The following PIK3C2G variants were observed in gnomAD, a reference collection of about 807,000 sequenced individuals.
PIK3C2G encodes phosphatidylinositol 3-kinase C2 domain-containing subunit gamma.
PIK3C2G carries 168 observed loss-of-function variants against 181.1 expected under a neutral mutation model. The observed-to-expected ratio is 0.93, with a 90% confidence interval of 0.82 to 1.05. The LOEUF is 1.05. PIK3C2G is among the 50% of genes least tolerant of loss of function. PIK3C2G has a pLI of 0.00. For synonymous variants in PIK3C2G, 573 were observed against 592.2 expected, an observed-to-expected ratio of 0.97 and a Z score of 0.47; for missense variants, 1,869 against 1,732.8, an observed-to-expected ratio of 1.08 and a Z score of -1.40.
the PIK3C2G span, among the ~76,000 whole-genome samples, chr12:18,702,279 T>C: frequency 5.3e-5 from 8 of 152,090 alleles, no homozygotes; most frequent in Non-Finnish European, 1.2e-4. Flanking sequence ...TCTTCTGTAT[T>C]ACACATAAAC....
intron 4 of PIK3C2G, 50 bp from the exon 5 acceptor site, chr12:18,293,851 C>A: frequency 2.3e-6 from 2 of 858,802 alleles, no homozygotes; most frequent in South Asian, 2.9e-5. Flanking sequence ...TTTTCCTAGT[C>A]AGTATATGAT....
the PIK3C2G span, among the ~76,000 whole-genome samples, chr12:18,671,716 G>C: frequency 3.3e-5 from 5 of 151,968 alleles, no homozygotes; most frequent in Non-Finnish European, 7.4e-5. Flanking sequence ...ATGAAGAAAA[G>C]GGAAATTTGA....
In PIK3C2G at chr12:18,597,643, G is replaced by C. The variant is rs185379348; in HGVS notation, c.4087+3074G>C. 7.7e-3 allele frequency among the ~76,000 whole-genome samples: 1,166 copies of C among 152,066 alleles called. 11 individuals are homozygous for C. Among genetic ancestry groups the C allele is most frequent in the African/African-American group, 0.027 (1,103 of 41,492 alleles). On this transcript the variant is annotated intron_variant, in intron 30 of 32. Coordinates refer to ENST00000538779, the MANE Select transcript of PIK3C2G (RefSeq NM_001288772.2). ...ATTCAACATAGTGTTGGAAGTTCTGGCCAGGGCAATTAGACAGGAGAAGGA... is the reference window on the plus strand; with the variant it reads ...ATTCAACATAGTGTTGGAAGTTCTGCCCAGGGCAATTAGACAGGAGAAGGA...
rs1940858598 is a variant in PIK3C2G, at chr12:18,494,684, A to G, written c.2794-1378A>G. ...CCACATATTCAATGAGCAGAATTTA[A>G]AAACCACTGATCTACACTCATTTCT... On this transcript the variant is annotated intron_variant, in intron 20 of 32. Transcript: ENST00000538779. Among the ~76,000 whole-genome samples the G allele has an allele frequency of 2.4e-5, 3 of 124,150 alleles. No homozygotes were observed. In the South Asian group the frequency reaches 7.5e-4, roughly 31 times the overall value. The allele number at this position is 124,150 out of a possible 152,430, so 81.4% of individuals were successfully genotyped here. A position where few individuals can be genotyped will look rare whatever the true frequency, so the allele number is the denominator to read the frequency against.
chr12:18,260,647 AC>A (rs1948208720), upstream of PIK3C2G, among the ~76,000 whole-genome samples: 2 of 152,122 alleles, frequency 1.3e-5, no homozygotes, highest in Admixed American at 1.3e-4. Flanking sequence ...AATCATTCTT[AC>A]AGAAAACTAC....
At chr12:18,582,381 G>C (rs1377315220) in intron 29 of PIK3C2G, among the ~76,000 whole-genome samples, 1 of 152,036 alleles carries the variant, frequency 6.6e-6, no homozygotes, top group African/African-American at 2.4e-5. Context: ...TGCAACCCTT[G>C]GGTCAGGAGA....
At chr12:18,700,454 C>A in the PIK3C2G span, among the ~76,000 whole-genome samples, 1 of 137,032 alleles carries the variant, frequency 7.3e-6, no homozygotes, top group Non-Finnish European at 1.5e-5. Flanking sequence ...GCTTTGCATT[C>A]CCCTAGCAAC....
intron 16 of PIK3C2G, among the ~76,000 whole-genome samples, chr12:18,409,178 A>C (rs1321635324): frequency 6.6e-6 from 1 of 152,216 alleles, no homozygotes; most frequent in African/African-American, 2.4e-5. Flanking sequence ...TTAGATAAAG[A>C]AAATGAGGCA....
At chr12:18,404,168 T>C (rs559214834) in intron 16 of PIK3C2G, among the ~76,000 whole-genome samples, 11 of 152,332 alleles carry the variant, frequency 7.2e-5, no homozygotes, top group Non-Finnish European at 1.5e-4. Context: ...CAAACCATTG[T>C]ATTCTTTATT....
the PIK3C2G span, chr12:18,693,114 G>C: frequency 1.3e-6 from 2 of 1,522,094 alleles, no homozygotes; most frequent in African/African-American, 1.4e-5. Context: ...AGGAATCTTG[G>C]AAGAGATCAT....
chr12:18,377,216 A>G (rs1942509506), intron 13 of PIK3C2G, among the ~76,000 whole-genome samples: 1 of 152,178 alleles, frequency 6.6e-6, no homozygotes, highest in Non-Finnish European at 1.5e-5. Flanking sequence ...CTTTATTTAA[A>G]CACCTGATCT....
intron 4 of PIK3C2G, among the ~76,000 whole-genome samples, chr12:18,293,069 A>G (rs1049913130): frequency 3.9e-5 from 6 of 152,180 alleles, no homozygotes; most frequent in Admixed American, 3.9e-4. Flanking sequence ...AAAGCACTTA[A>G]TAGAGTAATT....
At chr12:18,322,037 G>T (rs761643943) in intron 7 of PIK3C2G, among the ~76,000 whole-genome samples, 1 of 152,090 alleles carries the variant, frequency 6.6e-6, no homozygotes, top group Non-Finnish European at 1.5e-5. Flanking sequence ...CATTGCGCAC[G>T]TTTACCTATG....
At chr12:18,303,100 C>CTCTTCCTTCTT (rs1555153496) in intron 5 of PIK3C2G, among the ~76,000 whole-genome samples, 209 of 75,108 alleles carry the variant, frequency 2.8e-3, no homozygotes, top group Non-Finnish European at 4.2e-3. Flanking sequence ...TCTTTTCTTT[C>CTCTTCCTTCTT]TCTTTCTTTC....
chr12:18,431,918 A>C (rs184155062), intron 18 of PIK3C2G, among the ~76,000 whole-genome samples: 11 of 152,308 alleles, frequency 7.2e-5, no homozygotes, highest in Non-Finnish European at 1.3e-4. Flanking sequence ...AACCAAAAGC[A>C]ACTGTTCTCT....
chr12:18,503,343 A>AT lies in PIK3C2G; in HGVS notation c.3080dup (p.Gly1028ArgfsTer9). On this transcript the variant is annotated frameshift_variant, in exon 23 of 33. Transcript: ENST00000538779. LOFTEE classifies it high-confidence loss of function. ...AAAGATTCATCGCCATTCTGGACTG[A>AT]TAGGACCATTGAAAGAAAATACAAT... The AT allele has an allele frequency of 6.2e-7, 1 of 1,611,552 alleles. No individual in the cohort carries two copies. Among genetic ancestry groups the AT allele is most frequent in the Non-Finnish European group, 8.5e-7 (1 of 1,177,992 alleles).
In PIK3C2G at chr12:18,511,538, A is replaced by G. The variant is rs34979270; in HGVS notation, c.3323+6077A>G. On this transcript the variant is annotated intron_variant, in intron 24 of 32. Coordinates refer to ENST00000538779, the MANE Select transcript of PIK3C2G (RefSeq NM_001288772.2). ...TCTAACAGATGTGAGGTGGTTTCTC[A>G]GTGTGGCTCTAATCGCATTTCCTTG... 1.5e-3 allele frequency among the ~76,000 whole-genome samples: 225 copies of G among 152,160 alleles called. 3 individuals carry two copies. The highest frequency in any genetic ancestry group is 5.1e-3 in the African/African-American group (212 of 41,558).
chr12:18,653,417 G>A, the PIK3C2G span, among the ~76,000 whole-genome samples: 4 of 152,130 alleles, frequency 2.6e-5, no homozygotes, highest in Non-Finnish European at 5.9e-5. Context: ...TACTCTCAAT[G>A]CAATGGGCTT....
the PIK3C2G span, chr12:18,701,466 A>G: frequency 1.2e-6 from 2 of 1,612,296 alleles, no homozygotes; most frequent in Non-Finnish European, 8.5e-7. Context: ...AAACTTTCCA[A>G]TCACTTGTAA....
Sources: allele counts gnomAD v4.1 joint callset (sites outside exome capture counted in the v4.1 genomes callset), GRCh38; gene constraint gnomAD v4.1.1; transcripts MANE v1.5; gene names NCBI Gene and HGNC (gene_info 2026-07-23, HGNC 2026-07-21).